WWTR1: variants seen among roughly 807,000 people sequenced by gnomAD.
WWTR1 encodes the protein WW domain-containing transcription regulator protein 1.
In WWTR1, 13 loss-of-function variants were observed where a neutral mutation model predicts 40.1. The ratio of observed to expected loss-of-function variants is 0.32; its 90% CI spans 0.21 to 0.52. The LOEUF (loss-of-function observed/expected upper bound fraction) is 0.52, where lower values mean the gene tolerates loss of function less well. Ranked by LOEUF, WWTR1 falls within the 20% of genes least tolerant of loss-of-function variation. WWTR1 has a pLI of 0.97. For missense variants in WWTR1, 436 were observed against 523.1 expected (o/e 0.83, Z 1.63); for synonymous variants, 230 against 210.1 (o/e 1.09, Z -0.82).
chr3:149,660,534 G>T (rs1713523482), upstream of WWTR1, among the ~76,000 whole-genome samples: 1 of 152,234 alleles, frequency 6.6e-6, no homozygotes, highest in African/African-American at 2.4e-5. Context: ...TAATTCAAAA[G>T]ATTTGCTGTT....
chr3:149,611,183 A>G (rs551956854), intron 2 of WWTR1, among the ~76,000 whole-genome samples: 48 of 152,120 alleles, frequency 3.2e-4, no homozygotes, highest in African/African-American at 8.7e-4. Context: ...GTTTTTAAAA[A>G]CTTTTTTTTT....
intron 3 of WWTR1, among the ~76,000 whole-genome samples, chr3:149,549,468 C>T (rs1227281370): frequency 6.6e-6 from 1 of 152,164 alleles, no homozygotes; most frequent in African/African-American, 2.4e-5. Context: ...CTCCTTAAAA[C>T]TATTGAGGTC....
chr3:149,570,367 G>C (rs940981158), intron 3 of WWTR1, among the ~76,000 whole-genome samples: 2 of 151,998 alleles, frequency 1.3e-5, no homozygotes, highest in Non-Finnish European at 2.9e-5. Flanking sequence ...TCAGGAGTTC[G>C]GGACCAACTT....
intron 2 of WWTR1, among the ~76,000 whole-genome samples, chr3:149,573,218 C>T (rs1737727443): frequency 6.6e-6 from 1 of 152,126 alleles, no homozygotes; most frequent in Non-Finnish European, 1.5e-5. Flanking sequence ...TCTCTAAACA[C>T]AAGCCCAAGA....
chr3:149,619,282 G>C (rs4681530), intron 2 of WWTR1, among the ~76,000 whole-genome samples: 3 of 151,768 alleles, frequency 2.0e-5, no homozygotes, highest in Admixed American at 2.0e-4. Context: ...AACTCTTCAC[G>C]CTGACAGGAG....
At chr3:149,525,653 T>C (rs1416347306) in intron 6 of WWTR1, 2 of 154,636 alleles carry the variant, frequency 1.3e-5, no homozygotes, top group Non-Finnish European at 1.4e-5. Context: ...GCAGCACCTA[T>C]ACTAAAACTG....
At chr3:149,668,813 A>G (rs1713946331) in intron 2 of WWTR1, among the ~76,000 whole-genome samples, 1 of 152,172 alleles carries the variant, frequency 6.6e-6, no homozygotes, top group Non-Finnish European at 1.5e-5. Context: ...TCCACTCACC[A>G]AAAAGTCACC....
intron 1 of WWTR1, among the ~76,000 whole-genome samples, chr3:149,692,140 C>T (rs531101768): frequency 1.3e-5 from 2 of 151,134 alleles, no homozygotes; most frequent in South Asian, 2.1e-4. Flanking sequence ...GATACCAACA[C>T]CAGACAAAGA....
At chr3:149,566,927 T>G (rs918740350) in intron 3 of WWTR1, among the ~76,000 whole-genome samples, 4 of 152,074 alleles carry the variant, frequency 2.6e-5, no homozygotes, top group Non-Finnish European at 4.4e-5. Flanking sequence ...GGTAAGTAAG[T>G]GCGTGTGTGT....
chr3:149,591,186 C>A (rs1317147343), intron 2 of WWTR1, among the ~76,000 whole-genome samples: 1 of 152,058 alleles, frequency 6.6e-6, no homozygotes, highest in Admixed American at 6.5e-5. Flanking sequence ...TCCACTATGA[C>A]CTAAAAGGAA....
At chr3:149,549,603 C>T (rs1323221190) in intron 3 of WWTR1, among the ~76,000 whole-genome samples, 3 of 151,992 alleles carry the variant, frequency 2.0e-5, no homozygotes, top group East Asian at 1.9e-4. Flanking sequence ...TTTGGGAGGC[C>T]GAGGCAGGAG....
rs796385733 is a variant in WWTR1, at chr3:149,656,772, C to T, written c.431+104G>A. 2.0e-4 allele frequency: 193 copies of T among 944,020 alleles called. No homozygotes were observed. The Middle Eastern group carries it at 2.6e-3, about 13-fold the overall frequency. 58.5% of individuals were successfully genotyped at this position (944,020 alleles called of 1,614,324 possible). A position where few individuals can be genotyped will look rare whatever the true frequency, so the allele number is the denominator to read the frequency against. The stretch of plus-strand genomic sequence containing the variant: ...ACGCACCATCTCTCTCTTTCTCTCT[C>T]TCTCTCTCTCTCTCTCTCTCACACA... On this transcript the variant is annotated intron_variant, in intron 2 of 6. Transcript: ENST00000360632.
chr3:149,622,481 G>GGAAA (rs1560089602), intron 2 of WWTR1, among the ~76,000 whole-genome samples: 1 of 123,540 alleles, frequency 8.1e-6, no homozygotes, highest in Non-Finnish European at 1.7e-5. Flanking sequence ...AAGGAAGGAA[G>GGAAA]GAAGGAAGGA....
intron 2 of WWTR1, among the ~76,000 whole-genome samples, chr3:149,619,436 C>G (rs1740162102): frequency 6.6e-6 from 1 of 152,126 alleles, no homozygotes; most frequent in South Asian, 2.1e-4. Context: ...GCCTGGGCAA[C>G]ATAGTGAAAT....
intron 2 of WWTR1, among the ~76,000 whole-genome samples, chr3:149,593,232 A>C (rs1738819073): frequency 6.6e-6 from 1 of 152,222 alleles, no homozygotes; most frequent in African/African-American, 2.4e-5. Flanking sequence ...AAGACCATGA[A>C]AACCAACCTC....
chr3:149,647,378 A>C (rs1712590577), intron 2 of WWTR1, among the ~76,000 whole-genome samples: 1 of 152,348 alleles, frequency 6.6e-6, no homozygotes, highest in Non-Finnish European at 1.5e-5. Flanking sequence ...GAGGGAGGCC[A>C]CTGGCTGCCC....
intron 1 of WWTR1, among the ~76,000 whole-genome samples, chr3:149,689,936 A>G (rs917442632): frequency 1.3e-5 from 2 of 152,184 alleles, no homozygotes; most frequent in African/African-American, 2.4e-5. Context: ...GTATAATAAG[A>G]TAGAAACAGA....
chr3:149,665,154 A>G (rs2108180910), intron 2 of WWTR1, among the ~76,000 whole-genome samples: 1 of 152,122 alleles, frequency 6.6e-6, no homozygotes, highest in South Asian at 2.1e-4. Context: ...GAAGTTAATG[A>G]TCAGGGCATA....
chr3:149,560,577 T>C (rs1230047945), intron 3 of WWTR1, among the ~76,000 whole-genome samples: 6 of 152,186 alleles, frequency 3.9e-5, no homozygotes, highest in African/African-American at 1.4e-4. Context: ...TTTCTTGACA[T>C]TTGAAGTGTG....
Sources: allele counts gnomAD v4.1 joint callset (sites outside exome capture counted in the v4.1 genomes callset), GRCh38; gene constraint gnomAD v4.1.1; transcripts MANE v1.5; gene names NCBI Gene and HGNC (gene_info 2026-07-23, HGNC 2026-07-21).